NALF1: variants seen among roughly 807,000 people sequenced by gnomAD.
NALF1 encodes family with sequence similarity 155 member A.
NALF1 carries 3 observed loss-of-function variants against 48.4 expected under a neutral mutation model. The ratio of observed to expected loss-of-function variants is 0.06; its 90% confidence interval spans 0.03 to 0.16. The LOEUF is 0.16. Ranked by LOEUF, NALF1 falls within the 10% of genes least tolerant of loss-of-function variation. NALF1 has a pLI of 1.00. For synonymous variants in NALF1, 262 were observed against 245.7 expected (o/e 1.07, Z -0.62); for missense variants, 526 against 571.5 (o/e 0.92, Z 0.81).
chr13:107,599,912 C>T (rs929438324), intron 1 of NALF1, among the ~76,000 whole-genome samples: 14 of 152,126 alleles, frequency 9.2e-5, no homozygotes, highest in Admixed American at 1.3e-4. Flanking sequence ...TTGTGTACAA[C>T]GAGTCATATT....
At chr13:107,774,746 C>G (rs1042587395) in intron 1 of NALF1, among the ~76,000 whole-genome samples, 4 of 152,028 alleles carry the variant, frequency 2.6e-5, no homozygotes, top group South Asian at 2.1e-4. Context: ...TTTGTTCTTA[C>G]GGAGTCTCTG....
chr13:107,581,295 A>G (rs975118567), intron 1 of NALF1, among the ~76,000 whole-genome samples: 1 of 152,186 alleles, frequency 6.6e-6, no homozygotes, highest in Non-Finnish European at 1.5e-5. Flanking sequence ...AACACCATTA[A>G]GGACCAGAAC....
At chr13:107,410,099 C>T (rs934006243) in intron 1 of NALF1, among the ~76,000 whole-genome samples, 2 of 152,126 alleles carry the variant, frequency 1.3e-5, no homozygotes, top group African/African-American at 2.4e-5. Context: ...TTTCTATATT[C>T]TAAAGTAACA....
chr13:107,564,605 G>GACAAAC (rs1380190771), intron 1 of NALF1, among the ~76,000 whole-genome samples: 1 of 152,118 alleles, frequency 6.6e-6, no homozygotes, highest in African/African-American at 2.4e-5. Flanking sequence ...GAGTAACTCA[G>GACAAAC]ACAAACGCTC....
chr13:107,511,246 G>C (rs893178082), intron 1 of NALF1, among the ~76,000 whole-genome samples: 2 of 152,260 alleles, frequency 1.3e-5, no homozygotes, highest in Admixed American at 1.3e-4. Context: ...CTCTTCCGTT[G>C]TCTGTACATA....
chr13:107,242,925 A>T (rs1880505870), intron 1 of NALF1, among the ~76,000 whole-genome samples: 1 of 152,142 alleles, frequency 6.6e-6, no homozygotes, highest in African/African-American at 2.4e-5. Flanking sequence ...ACATTTAGGA[A>T]GTCTCCAAGG....
At chr13:107,363,978 A>T (rs1021669928) in intron 1 of NALF1, among the ~76,000 whole-genome samples, 1 of 152,232 alleles carries the variant, frequency 6.6e-6, no homozygotes, top group Non-Finnish European at 1.5e-5. Context: ...AAAATGAAAT[A>T]GCCTGGTTTT....
At chr13:107,713,189 C>A (rs149436473) in intron 1 of NALF1, among the ~76,000 whole-genome samples, 11 of 152,324 alleles carry the variant, frequency 7.2e-5, no homozygotes, top group Non-Finnish European at 1.5e-4. Context: ...TAATTATGTT[C>A]TTCTAAGCCC....
At chr13:107,453,099 G>A (rs2139036782) in intron 1 of NALF1, among the ~76,000 whole-genome samples, 1 of 152,298 alleles carries the variant, frequency 6.6e-6, no homozygotes, top group Non-Finnish European at 1.5e-5. Context: ...TTGAGTGTCT[G>A]CGGCTTTTCC....
intron 1 of NALF1, among the ~76,000 whole-genome samples, chr13:107,654,564 G>C (rs1478404026): frequency 6.6e-6 from 1 of 152,012 alleles, no homozygotes; most frequent in Non-Finnish European, 1.5e-5. Flanking sequence ...AGTTCTATCA[G>C]ACATTCAAAG....
chr13:107,678,788 C>T (rs1881200197), intron 1 of NALF1, among the ~76,000 whole-genome samples: 2 of 152,148 alleles, frequency 1.3e-5, no homozygotes, highest in Admixed American at 1.3e-4. Flanking sequence ...CATCAGATCT[C>T]GTGAGAACTC....
chr13:107,475,723 C>A (rs1219009069), intron 1 of NALF1, among the ~76,000 whole-genome samples: 2 of 152,120 alleles, frequency 1.3e-5, no homozygotes, highest in Non-Finnish European at 2.9e-5. Context: ...TAAAGAAATT[C>A]TCAGGGAATT....
intron 1 of NALF1, among the ~76,000 whole-genome samples, chr13:107,525,485 A>G (rs1164095439): frequency 1.3e-5 from 2 of 152,124 alleles, no homozygotes; most frequent in African/African-American, 4.8e-5. Flanking sequence ...ATTTCATAGT[A>G]TAGTTGTACC....
chr13:107,556,275 A>G (rs1378967721), intron 1 of NALF1, among the ~76,000 whole-genome samples: 1 of 17,988 alleles, frequency 5.6e-5, no homozygotes, highest in African/African-American at 1.1e-4. Flanking sequence ...CTCTCAACAT[A>G]TATATATATA....
intron 1 of NALF1, among the ~76,000 whole-genome samples, chr13:107,263,671 T>C (rs538236516): frequency 2.0e-5 from 3 of 152,298 alleles, no homozygotes; most frequent in Admixed American, 2.0e-4. Flanking sequence ...ACGTGCCTTT[T>C]ACCTTCCACC....
intron 1 of NALF1, among the ~76,000 whole-genome samples, chr13:107,738,862 C>T (rs1368490865): frequency 6.6e-6 from 1 of 151,996 alleles, no homozygotes; most frequent in African/African-American, 2.4e-5. Context: ...TGGGGTTTCA[C>T]CATGCTTGCC....
At chr13:107,175,793 C>G (rs148527453) in intron 2 of NALF1, among the ~76,000 whole-genome samples, 1 of 152,176 alleles carries the variant, frequency 6.6e-6, no homozygotes, top group Non-Finnish European at 1.5e-5. Context: ...GATGGTTTCA[C>G]CCTGCATTCC....
At chr13:107,226,104 A>G (rs1880102690) in intron 1 of NALF1, among the ~76,000 whole-genome samples, 1 of 152,216 alleles carries the variant, frequency 6.6e-6, no homozygotes, top group African/African-American at 2.4e-5. Flanking sequence ...GCTGGAAGGA[A>G]AACTATTGAC....
chr13:107,651,475 T>C (rs1880449659), intron 1 of NALF1, among the ~76,000 whole-genome samples: 1 of 152,174 alleles, frequency 6.6e-6, no homozygotes, highest in Non-Finnish European at 1.5e-5. Flanking sequence ...GGGTTGGGAG[T>C]TCTCTGAAAT....
Sources: allele counts gnomAD v4.1 joint callset (sites outside exome capture counted in the v4.1 genomes callset), GRCh38; gene constraint gnomAD v4.1.1; transcripts MANE v1.5; gene names NCBI Gene and HGNC (gene_info 2026-07-23, HGNC 2026-07-21).